The following DOCK3 variants were observed in gnomAD, a reference collection of about 807,000 sequenced individuals.
DOCK3 encodes the protein dedicator of cytokinesis protein 3.
DOCK3 carries 60 observed loss-of-function variants against 265.6 expected under a neutral mutation model. The ratio of observed to expected loss-of-function variants is 0.23; its 90% confidence interval spans 0.18 to 0.28. The LOEUF (loss-of-function observed/expected upper bound fraction) is 0.28. Among genes scored for constraint, DOCK3 ranks in the 10% least tolerant of loss-of-function variants. DOCK3 has a pLI of 1.00. For synonymous variants in DOCK3, 881 were observed against 938.0 expected, an observed-to-expected ratio of 0.94 and a Z score of 1.11; for missense variants, 1,981 against 2,594.3, an observed-to-expected ratio of 0.76 and a Z score of 5.14.
intron 5 of DOCK3, among the ~76,000 whole-genome samples, chr3:51,055,647 A>C (rs2081171354): frequency 6.6e-6 from 1 of 152,182 alleles, no homozygotes; most frequent in African/African-American, 2.4e-5. Flanking sequence ...GCCCACTGTT[A>C]GGTAAGTCTG....
At chr3:51,089,428 A>G (rs2082552508) in intron 8 of DOCK3, 144 bp downstream of exon 8, 1 of 1,016,538 alleles carries the variant, frequency 9.8e-7, no homozygotes, top group Admixed American at 2.7e-5. Flanking sequence ...TTGACCTCTA[A>G]ACAGTTTTGG....
chr3:51,366,739 G>T (rs1488418125), intron 49 of DOCK3, among the ~76,000 whole-genome samples: 1 of 152,098 alleles, frequency 6.6e-6, no homozygotes, highest in South Asian at 2.1e-4. Flanking sequence ...CCTTCATTTC[G>T]TTATGTACCC....
chr3:51,198,290 G>A (rs569789581), intron 12 of DOCK3, among the ~76,000 whole-genome samples: 1 of 152,312 alleles, frequency 6.6e-6, no homozygotes, highest in East Asian at 1.9e-4. Context: ...CTTAACCACG[G>A]GTGCTTTTCA....
intron 1 of DOCK3, among the ~76,000 whole-genome samples, chr3:50,698,492 G>T (rs2035784882): frequency 2.6e-5 from 1 of 38,602 alleles, no homozygotes; most frequent in African/African-American, 7.9e-5. Context: ...TCATGTACAA[G>T]TTTCTCTGTG....
chr3:51,108,828 G>T lies in DOCK3; in HGVS notation c.746+18444G>T, dbSNP rs139619192. 2.3e-4 allele frequency among the ~76,000 whole-genome samples: 35 copies of T among 152,274 alleles called. No individual in the cohort carries two copies. In the East Asian group the frequency reaches 5.4e-3, roughly 23 times the overall value. ...GGTAAAGGGTTCAATTCAACAAGAAGACCTAACTATCCTAAATATATATGC... is the reference window on the plus strand; with the variant it reads ...GGTAAAGGGTTCAATTCAACAAGAATACCTAACTATCCTAAATATATATGC... On this transcript the variant is annotated intron_variant, in intron 9 of 52. Coordinates refer to ENST00000266037, the MANE Select transcript of DOCK3 (RefSeq NM_004947.5).
intron 27 of DOCK3, among the ~76,000 whole-genome samples, chr3:51,305,384 C>T (rs979277749): frequency 3.5e-4 from 54 of 152,242 alleles, no homozygotes; most frequent in African/African-American, 1.3e-3. Context: ...TACCAGTTCT[C>T]GTTTGGGTAC....
chr3:51,200,835 ACT>A (rs2088700733), intron 12 of DOCK3, among the ~76,000 whole-genome samples: 1 of 152,168 alleles, frequency 6.6e-6, no homozygotes, highest in East Asian at 1.9e-4. Context: ...CTTGGCAGAA[ACT>A]CTACAAGCCA....
intron 9 of DOCK3, among the ~76,000 whole-genome samples, chr3:51,100,248 C>A (rs2083031587): frequency 1.3e-5 from 2 of 152,018 alleles, no homozygotes; most frequent in African/African-American, 2.4e-5. Flanking sequence ...ATAAAGCAGG[C>A]AGATATTGTA....
chr3:50,733,390 A>G (rs970499180), intron 1 of DOCK3, among the ~76,000 whole-genome samples: 10 of 152,084 alleles, frequency 6.6e-5, no homozygotes, highest in Admixed American at 4.6e-4. Flanking sequence ...TATTTGCTTT[A>G]TGTGTTAAGA....
chr3:51,138,151 C>T (rs9870900), intron 9 of DOCK3, among the ~76,000 whole-genome samples: 2,519 of 152,238 alleles, frequency 0.017, 89 homozygotes, highest in African/African-American at 0.057. Flanking sequence ...GGGTAGAAAC[C>T]TGTCTGTGTT....
intron 5 of DOCK3, among the ~76,000 whole-genome samples, chr3:51,048,869 A>C (rs2080879431): frequency 6.6e-6 from 1 of 152,206 alleles, no homozygotes; most frequent in Non-Finnish European, 1.5e-5. Flanking sequence ...TCTCAAAAAA[A>C]AAAAACAACT....
chr3:50,698,981 A>G (rs1443989700), intron 1 of DOCK3, among the ~76,000 whole-genome samples: 1 of 152,058 alleles, frequency 6.6e-6, no homozygotes, highest in African/African-American at 2.4e-5. Context: ...GTTTGCTTTG[A>G]TGAAGTCCAA....
In DOCK3 at chr3:50,946,094, T is replaced by TAAAAA. The variant is rs35670695; in HGVS notation, c.315+12036_315+12040dup. Among the ~76,000 whole-genome samples the TAAAAA allele has an allele frequency of 6.1e-4, 56 of 91,732 alleles. No homozygotes were observed. In the East Asian group the frequency reaches 0.017, roughly 28 times the overall value. 60.2% of individuals were successfully genotyped at this position (91,732 alleles called of 152,430 possible). On this transcript the variant is annotated intron_variant, in intron 5 of 52. Transcript: ENST00000266037. ...GGCAATAGAGTGAAACCCCATCTCT[T>TAAAAA]AAAAAAAAAAAAAAAAAAAAAAAGG...
chr3:50,953,816 C>A (rs1241869088), intron 5 of DOCK3, among the ~76,000 whole-genome samples: 1 of 152,112 alleles, frequency 6.6e-6, no homozygotes, highest in Non-Finnish European at 1.5e-5. Context: ...ACAGTTCATT[C>A]TTTTCGCTGT....
intron 32 of DOCK3, among the ~76,000 whole-genome samples, chr3:51,329,560 G>A (rs2084380961): frequency 1.3e-5 from 2 of 152,190 alleles, no homozygotes; most frequent in South Asian, 4.1e-4. Context: ...CCCGGTGATG[G>A]CCCAGTGATA....
chr3:50,855,009 C>T (rs2046521259), intron 3 of DOCK3, among the ~76,000 whole-genome samples: 1 of 152,038 alleles, frequency 6.6e-6, no homozygotes, highest in African/African-American at 2.4e-5. Context: ...TGTACCATTA[C>T]CACGCTGTTT....
At chr3:50,827,941 A>G (rs553824910) in intron 2 of DOCK3, among the ~76,000 whole-genome samples, 5 of 149,642 alleles carry the variant, frequency 3.3e-5, no homozygotes, top group Non-Finnish European at 5.9e-5. Flanking sequence ...AGAGTTTGAA[A>G]CATGCACTCT....
intron 2 of DOCK3, among the ~76,000 whole-genome samples, chr3:50,809,719 GAGTT>G (rs1340618810): frequency 6.6e-6 from 1 of 152,164 alleles, no homozygotes; most frequent in Non-Finnish European, 1.5e-5. Context: ...AAAGGAAAAT[GAGTT>G]AGTTATTGCT....
chr3:51,207,797 C>T (rs1441830869), intron 12 of DOCK3, among the ~76,000 whole-genome samples: 2 of 152,156 alleles, frequency 1.3e-5, no homozygotes, highest in Non-Finnish European at 2.9e-5. Flanking sequence ...CATGGGTTCT[C>T]CTTTTTGCAT....
Sources: allele counts gnomAD v4.1 joint callset (sites outside exome capture counted in the v4.1 genomes callset), GRCh38; gene constraint gnomAD v4.1.1; transcripts MANE v1.5; gene names NCBI Gene and HGNC (gene_info 2026-07-23, HGNC 2026-07-21).